The following ZNF608 variants were observed in gnomAD, a reference collection of about 807,000 sequenced individuals.
ZNF608 encodes renal carcinoma antigen NY-REN-36.
ZNF608 carries 12 observed loss-of-function variants against 109.0 expected under a neutral mutation model. The ratio of observed to expected loss-of-function variants is 0.11; its 90% CI spans 0.07 to 0.18. ZNF608 has a LOEUF of 0.18. ZNF608 is among the 10% of genes least tolerant of loss of function. ZNF608 has a pLI of 1.00. For synonymous variants in ZNF608, 732 were observed against 717.4 expected, an observed-to-expected ratio of 1.02 and a Z score of -0.33; for missense variants, 1,707 against 1,879.3, an observed-to-expected ratio of 0.91 and a Z score of 1.70.
chr5:124,705,716 C>T (rs1753232511), intron 2 of ZNF608, among the ~76,000 whole-genome samples: 1 of 152,216 alleles, frequency 6.6e-6, no homozygotes, highest in African/African-American at 2.4e-5. Context: ...TTCTTTCATA[C>T]ACTGACATCT....
intron 3 of ZNF608, among the ~76,000 whole-genome samples, chr5:124,657,901 T>C (rs944403129): frequency 9.9e-5 from 15 of 152,178 alleles, no homozygotes; most frequent in African/African-American, 2.4e-5. Context: ...TAATCAGGAA[T>C]TTTGATCAGT....
At position 124,637,704 on chromosome 5, in the gene ZNF608, C is replaced by CGTAT. The variant is rs577923952; in HGVS notation, c.*192_*195dup. On this transcript the variant is annotated 3_prime_UTR_variant, in exon 10 of 10. Transcript: ENST00000513986. ...ATATGTATATATACAGATATGTATA[C>CGTAT]GTATATATATATAAAACAGAAGTTT... The CGTAT allele has an allele frequency of 2.8e-4, 100 of 354,566 alleles. No individual in the cohort carries two copies. Among genetic ancestry groups the CGTAT allele is most frequent in the African/African-American group, 2.2e-3 (98 of 45,566 alleles). 22.0% of individuals were successfully genotyped at this position (354,566 alleles called of 1,614,324 possible). A position where few individuals can be genotyped will look rare whatever the true frequency, so the allele number is the denominator to read the frequency against.
At chr5:124,687,972 C>T (rs183458269) in intron 3 of ZNF608, among the ~76,000 whole-genome samples, 39 of 152,248 alleles carry the variant, frequency 2.6e-4, no homozygotes, top group Admixed American at 2.2e-3. Context: ...TCAAGTGACA[C>T]ATTATATATT....
In ZNF608 at chr5:124,683,212, C is replaced by A. The variant is rs190538776; in HGVS notation, c.1162+17802G>T. On this transcript the variant is annotated intron_variant, in intron 3 of 9. Transcript: ENST00000513986. ...CATCTCCACTGGATGGGGTCTTCAG[C>A]TGACAGTAGCACCTGCCTACAGCCT... is the stretch of plus-strand genomic sequence containing the variant. Among the ~76,000 whole-genome samples, 479 of 152,312 alleles carry A rather than the reference C, an allele frequency of 3.1e-3. 2 individuals are homozygous for A. The highest frequency in any genetic ancestry group is 0.011 in the African/African-American group (449 of 41,564).
chr5:124,736,498 T>C (rs1200255555), intron 2 of ZNF608, among the ~76,000 whole-genome samples: 1 of 152,110 alleles, frequency 6.6e-6, no homozygotes, highest in Non-Finnish European at 1.5e-5. Context: ...AGGTGAATAA[T>C]GGATAAAACT....
At chr5:124,742,860 C>T (rs1436219654) in intron 2 of ZNF608, among the ~76,000 whole-genome samples, 1 of 152,148 alleles carries the variant, frequency 6.6e-6, no homozygotes, top group Non-Finnish European at 1.5e-5. Context: ...CAATCCCAAT[C>T]GCCAACTATA....
intron 2 of ZNF608, among the ~76,000 whole-genome samples, chr5:124,739,119 C>T (rs966097781): frequency 4.6e-5 from 7 of 152,154 alleles, no homozygotes; most frequent in Admixed American, 4.6e-4. Context: ...AGATCCTCCC[C>T]GCAGCTTCAC....
At chr5:124,649,543 T>A in intron 4 of ZNF608, 67 bp downstream of exon 4, 1 of 1,294,362 alleles carries the variant, frequency 7.7e-7, no homozygotes, top group South Asian at 1.3e-5. Context: ...GTATTATGAA[T>A]CTCTCTCTAC....
chr5:124,676,938 A>G (rs1000829118), intron 3 of ZNF608, among the ~76,000 whole-genome samples: 1 of 152,220 alleles, frequency 6.6e-6, no homozygotes, highest in Admixed American at 6.5e-5. Flanking sequence ...TAGGGAGGGC[A>G]ACAACCACAA....
chr5:124,740,726 T>C (rs1047709520), intron 2 of ZNF608, among the ~76,000 whole-genome samples: 5 of 152,214 alleles, frequency 3.3e-5, no homozygotes, highest in Admixed American at 6.5e-5. Context: ...AGCAATATGA[T>C]ATTACAGAAA....
At chr5:124,721,379 G>T (rs1404793252) in intron 2 of ZNF608, among the ~76,000 whole-genome samples, 1 of 152,110 alleles carries the variant, frequency 6.6e-6, no homozygotes, top group Non-Finnish European at 1.5e-5. Flanking sequence ...CCTGTAAGAG[G>T]GCTCAGTGCT....
chr5:124,746,435 A>C lies in ZNF608; in HGVS notation c.-424T>G. ...AAAAAATGTGTCACTGTACAGCTGGAAAATAATGTTTCACATTCACAACAG... is the reference window on the plus strand; with the variant it reads ...AAAAAATGTGTCACTGTACAGCTGGCAAATAATGTTTCACATTCACAACAG... On this transcript the variant is annotated 5_prime_UTR_variant, in exon 1 of 10. Transcript: ENST00000513986. 4 of 985,428 alleles carry C rather than the reference A, an allele frequency of 4.1e-6. No individual in the cohort carries two copies. Among genetic ancestry groups the C allele is most frequent in the Non-Finnish European group, 4.8e-6 (4 of 829,940 alleles). The allele number at this position is 985,428 out of a possible 1,614,324, so 61.0% of individuals were successfully genotyped here. A position where few individuals can be genotyped will look rare whatever the true frequency, so the allele number is the denominator to read the frequency against.
chr5:124,726,804 A>G (rs1217039731), intron 2 of ZNF608, among the ~76,000 whole-genome samples: 3 of 152,194 alleles, frequency 2.0e-5, no homozygotes, highest in Non-Finnish European at 2.9e-5. Flanking sequence ...TCCGAGTCCA[A>G]TCTGGACATG....
At chr5:124,708,384 C>G (rs1370486689) in intron 2 of ZNF608, among the ~76,000 whole-genome samples, 1 of 152,118 alleles carries the variant, frequency 6.6e-6, no homozygotes, top group Non-Finnish European at 1.5e-5. Flanking sequence ...GAATTTGACC[C>G]CACATTGGTC....
intron 3 of ZNF608, among the ~76,000 whole-genome samples, chr5:124,655,466 T>C (rs1750965861): frequency 6.6e-6 from 1 of 152,206 alleles, no homozygotes; most frequent in African/African-American, 2.4e-5. Flanking sequence ...CTGGATGCAT[T>C]TGATGTGCAT....
At chr5:124,667,601 C>A (rs1373358795) in intron 3 of ZNF608, among the ~76,000 whole-genome samples, 1 of 152,214 alleles carries the variant, frequency 6.6e-6, no homozygotes, top group East Asian at 1.9e-4. Context: ...ACACCCCTGT[C>A]TCTGCCTAGA....
intron 2 of ZNF608, among the ~76,000 whole-genome samples, chr5:124,702,066 C>G (rs1196625820): frequency 6.6e-6 from 1 of 152,200 alleles, no homozygotes; most frequent in Non-Finnish European, 1.5e-5. Flanking sequence ...GCAATGGCAT[C>G]CCCTTTGCAC....
At chr5:124,716,388 T>C (rs1753707536) in intron 2 of ZNF608, among the ~76,000 whole-genome samples, 1 of 152,020 alleles carries the variant, frequency 6.6e-6, no homozygotes, top group Admixed American at 6.6e-5. Context: ...AATAAGCAGC[T>C]TAGTTAAGCA....
At chr5:124,734,730 T>G (rs989434511) in intron 2 of ZNF608, 3 of 152,204 alleles carry the variant, frequency 2.0e-5, no homozygotes, top group African/African-American at 7.2e-5. Context: ...GTTTACAGCT[T>G]TTGAATATTG....
Sources: gnomAD v4.1 joint callset for allele counts (sites outside exome capture counted in the v4.1 genomes callset) on GRCh38, gnomAD v4.1.1 for gene constraint, MANE v1.5 for transcripts, NCBI Gene and HGNC (gene_info 2026-07-23, HGNC 2026-07-21) for gene names.